Variants in EYS observed in about 807,000 individuals in gnomAD.
EYS encodes protein eyes shut homolog.
A neutral mutation model predicts 282.1 loss-of-function variants in EYS; 250 were observed. The observed-to-expected ratio is 0.89, with a 90% CI of 0.80 to 0.98. The LOEUF (loss-of-function observed/expected upper bound fraction) is 0.98, where lower values mean the gene tolerates loss of function less well. Ranked by LOEUF, EYS falls within the 50% of genes least tolerant of loss-of-function variation. EYS has a pLI of 0.00. For missense variants in EYS, 4,016 were observed against 3,709.0 expected, an observed-to-expected ratio of 1.08 and a Z score of -2.15; for synonymous variants, 1,355 against 1,282.9, an observed-to-expected ratio of 1.06 and a Z score of -1.20.
intron 2 of EYS, among the ~76,000 whole-genome samples, chr6:65,608,700 G>C (rs906377980): frequency 6.6e-6 from 1 of 151,822 alleles, no homozygotes; most frequent in African/African-American, 2.4e-5. Context: ...CCCTATTATA[G>C]AAGCTTTTTC....
intron 31 of EYS, among the ~76,000 whole-genome samples, chr6:64,126,516 TTTG>T (rs1172829548): frequency 6.6e-6 from 1 of 152,020 alleles, no homozygotes; most frequent in African/African-American, 2.4e-5. Flanking sequence ...ATCTTACTAA[TTTG>T]TTGGCATTTT....
intron 12 of EYS, among the ~76,000 whole-genome samples, chr6:65,149,921 A>C (rs958292813): frequency 6.6e-6 from 1 of 152,138 alleles, no homozygotes; most frequent in Non-Finnish European, 1.5e-5. Flanking sequence ...GAAACTTACA[A>C]TCATGGAAGA....
At position 65,010,544 on chromosome 6, in the gene EYS, C is replaced by A. The variant is rs188029318; in HGVS notation, c.2138-12841G>T. ...CACTTGAGGGGACATTTTAGAGGTT[C>A]CCTTGACTGATCCCGACCTTAACTT... is the stretch of plus-strand genomic sequence containing the variant. On this transcript the variant is annotated intron_variant, in intron 13 of 42. Transcript: ENST00000503581. Among the ~76,000 whole-genome samples the A allele has an allele frequency of 2.0e-5, 3 of 152,290 alleles. No individual in the cohort carries two copies. In the East Asian group the frequency reaches 5.8e-4, roughly 29 times the overall value.
At chr6:64,070,315 G>A (rs1771527948) in intron 32 of EYS, among the ~76,000 whole-genome samples, 1 of 151,974 alleles carries the variant, frequency 6.6e-6, no homozygotes, top group African/African-American at 2.4e-5. Context: ...TCAGAGTTAT[G>A]CAGAGTTTTC....
At chr6:64,093,781 C>T (rs1453574386) in intron 31 of EYS, among the ~76,000 whole-genome samples, 1 of 152,120 alleles carries the variant, frequency 6.6e-6, no homozygotes, top group African/African-American at 2.4e-5. Context: ...GCCAGAACTT[C>T]CAACACTATG....
intron 22 of EYS, among the ~76,000 whole-genome samples, chr6:64,690,770 A>C (rs1171641314): frequency 6.6e-6 from 1 of 151,624 alleles, no homozygotes; most frequent in African/African-American, 2.4e-5. Context: ...ATAGGCGGGA[A>C]TTGAATAATG....
intron 38 of EYS, 76 bp from the exon 39 acceptor site, chr6:63,788,325 T>C (rs1307895959): frequency 8.3e-7 from 1 of 1,211,592 alleles, no homozygotes; most frequent in African/African-American, 1.6e-5. Flanking sequence ...TCTTTTGTTA[T>C]TTCCCATTAA....
intron 19 of EYS, among the ~76,000 whole-genome samples, chr6:64,868,703 GA>G (rs1766498543): frequency 6.6e-6 from 1 of 151,490 alleles, no homozygotes; most frequent in Admixed American, 6.6e-5. Context: ...AAAGATGGGG[GA>G]GAATACTATT....
At chr6:64,244,878 G>T (rs1766958907) in intron 30 of EYS, among the ~76,000 whole-genome samples, 1 of 152,024 alleles carries the variant, frequency 6.6e-6, no homozygotes, top group Non-Finnish European at 1.5e-5. Context: ...TGCACAACGT[G>T]CAGGTTTATT....
chr6:64,391,858 AGT>A (rs1182053918), intron 28 of EYS, among the ~76,000 whole-genome samples: 2 of 152,334 alleles, frequency 1.3e-5, no homozygotes, highest in Admixed American at 1.3e-4. Flanking sequence ...AAGTCCCTTC[AGT>A]GTGCTGTATT....
At chr6:64,079,519 G>A (rs541823898) in intron 32 of EYS, among the ~76,000 whole-genome samples, 64 of 152,178 alleles carry the variant, frequency 4.2e-4, no homozygotes, top group Non-Finnish European at 7.4e-4. Context: ...GGAGCAAATC[G>A]TTTGGGAAAT....
chr6:64,289,286 T>C (rs1768614400), intron 30 of EYS, among the ~76,000 whole-genome samples: 1 of 152,094 alleles, frequency 6.6e-6, no homozygotes, highest in African/African-American at 2.4e-5. Flanking sequence ...ATTCCTTCTT[T>C]TATAAAGCAT....
rs1265766894 is a variant in EYS at position 64,912,548 on chromosome 6, A to G, written c.2577T>C (p.Pro859=). ...CTAAGCATGTTGAGTTGTTTCTGCA[A>G]GGGTTATGAAGTAGGTCACAAAGGT... is the stretch of plus-strand genomic sequence containing the variant. The part of the protein sequence containing the change: ...RYNLCDLLHN[P]CRNNSTCLAL... Residue 859 remains proline (P), a synonymous_variant, in exon 16 of 43, where the codon CCT becomes CCC. Transcript: ENST00000503581. The G allele has an allele frequency of 1.2e-5, 18 of 1,551,296 alleles. No individual in the cohort carries two copies. Among genetic ancestry groups the G allele is most frequent in the Middle Eastern group, 3.3e-4 (2 of 5,992 alleles).
At chr6:65,277,143 G>C (rs1270180462) in intron 12 of EYS, among the ~76,000 whole-genome samples, 2 of 152,058 alleles carry the variant, frequency 1.3e-5, no homozygotes, top group African/African-American at 4.8e-5. Context: ...CCTTACAAAA[G>C]GGACCCCAGG....
intron 26 of EYS, among the ~76,000 whole-genome samples, chr6:64,532,506 G>A (rs964157986): frequency 2.2e-4 from 33 of 152,034 alleles, no homozygotes; most frequent in Non-Finnish European, 4.0e-4. Flanking sequence ...TCAGGAGATC[G>A]AGACCATCCT....
In EYS at chr6:63,762,545, T is replaced by G; in HGVS notation, c.7987A>C (p.Ser2663Arg). 1 of 1,550,484 alleles carries G rather than the reference T, an allele frequency of 6.4e-7. No homozygotes were observed. Among genetic ancestry groups the G allele is most frequent in the Non-Finnish European group, 8.7e-7 (1 of 1,146,138 alleles). ...AATGAAATGCAGGTTGCTCCTCTGC[T>G]ACAGTGGTGTGGAGGGTCATGTTCA... ...DPEHDPPHHCSRGATCISLPH... is the reference protein window; with the variant it reads ...DPEHDPPHHCRRGATCISLPH... Residue 2663 changes from serine to arginine, a missense_variant, in exon 41 of 43, where the codon AGC (serine) becomes CGC (arginine). Ser to Arg is a moderately radical substitution (Grantham distance 110). Transcript: ENST00000503581.
chr6:65,623,848 C>T lies in EYS; in HGVS notation c.-333+15930G>A, dbSNP rs555066976. On this transcript the variant is annotated intron_variant, in intron 2 of 42. Coordinates refer to ENST00000503581, the MANE Select transcript of EYS (RefSeq NM_001142800.2). ...AGACAGAAGACAATTGGTATTTTCT[C>T]TGTCTCTCTTGTATAACCTAGCATA... is the stretch of plus-strand genomic sequence containing the variant. Among the ~76,000 whole-genome samples, 146 of 152,306 alleles carry T rather than the reference C, an allele frequency of 9.6e-4. 1 individual carries two copies. The highest frequency in any genetic ancestry group is 1.5e-5 in the Non-Finnish European group (1 of 68,012).
chr6:63,723,864 C>T (rs925911113), intron 42 of EYS, among the ~76,000 whole-genome samples: 1 of 150,910 alleles, frequency 6.6e-6, no homozygotes, highest in Non-Finnish European at 1.5e-5. Flanking sequence ...CTCTGTCCCC[C>T]AAGCTGGAGT....
chr6:63,772,811 ACTT>A (rs2149661658), intron 40 of EYS, among the ~76,000 whole-genome samples: 1 of 152,150 alleles, frequency 6.6e-6, no homozygotes, highest in East Asian at 1.9e-4. Flanking sequence ...TCCTTTTACT[ACTT>A]CTTGTTTTCT....
Sources: allele counts gnomAD v4.1 joint callset (sites outside exome capture counted in the v4.1 genomes callset), GRCh38; gene constraint gnomAD v4.1.1; transcripts MANE v1.5; gene names NCBI Gene and HGNC (gene_info 2026-07-23, HGNC 2026-07-21).